Variants in GABRA4 observed in about 807,000 individuals in gnomAD.
GABRA4 encodes gamma-aminobutyric acid type A receptor subunit alpha4.
In GABRA4, 12 loss-of-function variants were observed where a neutral mutation model predicts 49.7. The ratio of observed to expected loss-of-function variants is 0.24; its 90% CI spans 0.15 to 0.39. GABRA4 has a LOEUF of 0.39. Ranked by LOEUF, GABRA4 falls within the 10% of genes least tolerant of loss-of-function variation. The pLI is 1.00. For missense variants in GABRA4, 506 were observed against 686.0 expected (o/e 0.74, Z 2.93); for synonymous variants, 288 against 240.2 (o/e 1.20, Z -1.84).
At chr4:46,984,200 T>C (rs1388062350) in intron 2 of GABRA4, among the ~76,000 whole-genome samples, 2 of 152,060 alleles carry the variant, frequency 1.3e-5, no homozygotes, top group African/African-American at 4.8e-5. Context: ...TCATTTTCCA[T>C]ATTGCCTCCC....
At chr4:46,959,267 GATGGGTGGGCCAACCCATTA>G (rs1722474809) in intron 8 of GABRA4, among the ~76,000 whole-genome samples, 1 of 151,892 alleles carries the variant, frequency 6.6e-6, no homozygotes, top group African/African-American at 2.4e-5. Flanking sequence ...GAATCAGGAG[GATGGGTGGGCCAACCCATTA>G]ATCACTGTCT....
intron 8 of GABRA4, among the ~76,000 whole-genome samples, chr4:46,960,524 C>G (rs1722538560): frequency 6.6e-6 from 1 of 151,512 alleles, no homozygotes; most frequent in African/African-American, 2.4e-5. Context: ...CTGTAACATT[C>G]AAATCTGTAT....
Position 46,925,923 on chromosome 4 carries a change from A to C in GABRA4, c.*2302T>G, listed in dbSNP as rs1346792160. On this transcript the variant is annotated 3_prime_UTR_variant, in exon 9 of 9. Transcript: ENST00000264318. Reference sequence around the variant, plus strand: ...TGTATTTTTAAACCTTCATATGTAAAGGTAAGAAAAAAAATCATTTCTTTT... The same window carrying C: ...TGTATTTTTAAACCTTCATATGTAACGGTAAGAAAAAAAATCATTTCTTTT... 6.6e-6 allele frequency: 1 copy of C among 151,542 alleles called. No homozygotes were observed. Among genetic ancestry groups the C allele is most frequent in the Non-Finnish European group, 1.5e-5 (1 of 67,734 alleles). 9.4% of individuals were successfully genotyped at this position (151,542 alleles called of 1,614,324 possible).
chr4:46,921,607 G>A lies in GABRA4; in HGVS notation c.*6618C>T, dbSNP rs1437126520. The A allele has an allele frequency of 6.6e-6, 1 of 152,020 alleles. No homozygotes were observed. The highest frequency in any genetic ancestry group is 2.4e-5 in the African/African-American group (1 of 41,400). The allele number at this position is 152,020 out of a possible 1,614,324, so 9.4% of individuals were successfully genotyped here. On this transcript the variant is annotated 3_prime_UTR_variant, in exon 9 of 9. Transcript: ENST00000264318. ...TTAATGCTTGATTCCAGTGACATCT[G>A]ATATACAGAAGGTAAAAGCCATGTA...
chr4:46,947,728 A>T (rs981377493), intron 8 of GABRA4, among the ~76,000 whole-genome samples: 5 of 152,094 alleles, frequency 3.3e-5, no homozygotes, highest in Non-Finnish European at 7.4e-5. Flanking sequence ...CAAGAGGCAG[A>T]GTCATTATTT....
chr4:46,926,393 T>C lies in GABRA4; in HGVS notation c.*1832A>G, dbSNP rs1721231147. ...GGGACTGGGTGATTTCGACAGTATC[T>C]TTCAGCCTTAAAATGTGTTGATTCT... On this transcript the variant is annotated 3_prime_UTR_variant, in exon 9 of 9. Transcript: ENST00000264318. 6.6e-6 allele frequency: 1 copy of C among 151,880 alleles called. No homozygotes were observed. The highest frequency in any genetic ancestry group is 2.4e-5 in the African/African-American group (1 of 41,420). 9.4% of individuals were successfully genotyped at this position (151,880 alleles called of 1,614,324 possible). A position where few individuals can be genotyped will look rare whatever the true frequency, so the allele number is the denominator to read the frequency against.
intron 8 of GABRA4, among the ~76,000 whole-genome samples, 155 bp from the exon 9 acceptor site, chr4:46,928,910 A>G (rs1721334750): frequency 1.3e-5 from 2 of 152,146 alleles, no homozygotes; most frequent in African/African-American, 2.4e-5. Context: ...CCTTTAAAAT[A>G]CATAACTAAA....
At chr4:46,980,387 A>AAT (rs1723315869) in intron 2 of GABRA4, among the ~76,000 whole-genome samples, 1 of 151,776 alleles carries the variant, frequency 6.6e-6, no homozygotes, top group Non-Finnish European at 1.5e-5. Flanking sequence ...AAAAAAAAAA[A>AAT]AAGGCAGAGA....
intron 8 of GABRA4, among the ~76,000 whole-genome samples, chr4:46,960,669 G>A (rs13130440): frequency 0.52 from 78,876 of 151,180 alleles, 20,891 homozygotes; most frequent in East Asian, 0.7. Flanking sequence ...AGAATATTTA[G>A]CAAATAATTA....
At chr4:46,991,457 G>T (rs545862901) in intron 2 of GABRA4, among the ~76,000 whole-genome samples, 6 of 152,110 alleles carry the variant, frequency 3.9e-5, no homozygotes, top group Non-Finnish European at 4.4e-5. Flanking sequence ...GTGAAGGCTA[G>T]AAAGAGTTTC....
At chr4:46,936,385 G>A (rs1351589553) in intron 8 of GABRA4, among the ~76,000 whole-genome samples, 1 of 152,150 alleles carries the variant, frequency 6.6e-6, no homozygotes, top group Non-Finnish European at 1.5e-5. Flanking sequence ...GAGTACCTGG[G>A]ACTACGGGCA....
chr4:46,945,754 C>T (rs1326269213), intron 8 of GABRA4, among the ~76,000 whole-genome samples: 3 of 152,018 alleles, frequency 2.0e-5, no homozygotes, highest in African/African-American at 4.8e-5. Flanking sequence ...ATATAGCTTC[C>T]ACTCTTCTGA....
chr4:46,945,259 C>CATCT (rs1721944339), intron 8 of GABRA4, among the ~76,000 whole-genome samples: 1 of 152,072 alleles, frequency 6.6e-6, no homozygotes, highest in Non-Finnish European at 1.5e-5. Context: ...CTGTCTCATA[C>CATCT]ATCTGCCTGT....
Position 46,928,477 on chromosome 4 carries a change from T to A in GABRA4, c.1413A>T (p.Gly471=). 6.2e-7 allele frequency: 1 copy of A among 1,613,608 alleles called. No homozygotes were observed. Among genetic ancestry groups the A allele is most frequent in the Non-Finnish European group, 8.5e-7 (1 of 1,179,704 alleles). The change falls in exon 9 of 9, where the codon GGA becomes GGT. Residue 471 remains glycine, a synonymous_variant. Transcript: ENST00000264318. Reference sequence around the variant, plus strand: ...CAAACACGTGACGAGTAGAAGCAGATCCAACTGAAGCCTTTCGAGGCATAT... The same window carrying A: ...CAAACACGTGACGAGTAGAAGCAGAACCAACTGAAGCCTTTCGAGGCATAT... ...TGYMPRKASV[G]SASTRHVFGS...
At chr4:46,948,081 C>G (rs991282142) in intron 8 of GABRA4, among the ~76,000 whole-genome samples, 2 of 152,068 alleles carry the variant, frequency 1.3e-5, no homozygotes, top group Admixed American at 1.3e-4. Context: ...GGGCTGCATT[C>G]TTTTTATTTT....
At chr4:46,963,267 A>C (rs1722643663) in intron 8 of GABRA4, among the ~76,000 whole-genome samples, 2 of 151,870 alleles carry the variant, frequency 1.3e-5, no homozygotes, top group African/African-American at 4.8e-5. Context: ...CTGATAATCC[A>C]ATCAAAAATG....
chr4:46,982,746 T>G (rs550048852), intron 2 of GABRA4, among the ~76,000 whole-genome samples: 1 of 152,136 alleles, frequency 6.6e-6, no homozygotes, highest in African/African-American at 2.4e-5. Flanking sequence ...ATTATATTTT[T>G]TACAAAATTA....
At chr4:46,938,216 G>A (rs1161507333) in intron 8 of GABRA4, among the ~76,000 whole-genome samples, 1 of 151,996 alleles carries the variant, frequency 6.6e-6, no homozygotes, top group Non-Finnish European at 1.5e-5. Context: ...ATTTTATTCA[G>A]CTTCAATATA....
In GABRA4 at chr4:46,971,253, G is replaced by A. The variant is rs45625131; in HGVS notation, c.722-18C>T. On this transcript the variant is annotated intron_variant, in intron 6 of 8. Coordinates refer to ENST00000264318, the MANE Select transcript of GABRA4 (RefSeq NM_000809.4). ...ATATTCACCTGCCAAGAAAACAGGA[G>A]GAAAATGTGTTATCGGTTCTGCAGG... The A allele has an allele frequency of 0.029, 46,028 of 1,606,442 alleles. 870 individuals carry two copies. The highest frequency in any genetic ancestry group is 0.033 in the Non-Finnish European group (38,947 of 1,175,030).
Sources: gnomAD v4.1 joint callset for allele counts (sites outside exome capture counted in the v4.1 genomes callset) on GRCh38, gnomAD v4.1.1 for gene constraint, MANE v1.5 for transcripts, NCBI Gene and HGNC (gene_info 2026-07-23, HGNC 2026-07-21) for gene names.